Variants in XKR6 observed in about 807,000 individuals in gnomAD.
The protein encoded by XKR6 is XK related 6.
A neutral mutation model predicts 56.7 loss-of-function variants in XKR6; 22 were observed. That is an observed-to-expected ratio of 0.39 (90% CI 0.28 to 0.55). The LOEUF is 0.55. Ranked by LOEUF, XKR6 falls within the 20% of genes least tolerant of loss-of-function variation. The pLI, the probability that XKR6 is intolerant of heterozygous loss-of-function variation, is 0.66. For synonymous variants in XKR6, 524 were observed against 387.8 expected (o/e 1.35, Z -4.13); for missense variants, 852 against 889.0 (o/e 0.96, Z 0.53).
chr8:10,979,021 T>C (rs1345768605), intron 1 of XKR6, among the ~76,000 whole-genome samples: 5 of 152,058 alleles, frequency 3.3e-5, no homozygotes, highest in Non-Finnish European at 7.4e-5. Flanking sequence ...CTGGAATGCC[T>C]CCTGATCATC....
chr8:10,911,403 G>A (rs1317467831), intron 2 of XKR6, among the ~76,000 whole-genome samples: 1 of 147,406 alleles, frequency 6.8e-6, no homozygotes, highest in South Asian at 2.1e-4. Flanking sequence ...TATAAATACA[G>A]AGAATGAGAT....
At chr8:11,106,669 T>G (rs1193572979) in intron 1 of XKR6, 1 of 151,802 alleles carries the variant, frequency 6.6e-6, no homozygotes, top group East Asian at 1.9e-4. Flanking sequence ...GCCAATATGG[T>G]GAAACCCTGT....
intron 1 of XKR6, among the ~76,000 whole-genome samples, chr8:11,065,732 G>C (rs548757396): frequency 1.3e-5 from 2 of 152,038 alleles, no homozygotes; most frequent in Non-Finnish European, 2.9e-5. Context: ...GGTCTCTTCC[G>C]GAGCCTTTCC....
intron 1 of XKR6, among the ~76,000 whole-genome samples, chr8:11,127,690 C>A (rs1157648826): frequency 1.3e-5 from 2 of 152,166 alleles, no homozygotes; most frequent in East Asian, 1.9e-4. Context: ...GCCCACCTTA[C>A]CCAGATAATC....
Position 11,080,002 on chromosome 8 carries a change from T to C in XKR6, c.764+120574A>G, listed in dbSNP as rs890085262. ...ATAAATAAATACATAAATACATAAA[T>C]AAATGAAATAAAGTTGAAAAATAAA... On this transcript the variant is annotated intron_variant, in intron 1 of 2. Coordinates refer to ENST00000416569, the MANE Select transcript of XKR6 (RefSeq NM_173683.4). Among the ~76,000 whole-genome samples, 7 of 151,834 alleles carry C rather than the reference T, an allele frequency of 4.6e-5. No homozygotes were observed. In the South Asian group the frequency reaches 1.5e-3, roughly 32 times the overall value.
At chr8:11,167,667 T>G (rs1344979190) in intron 1 of XKR6, among the ~76,000 whole-genome samples, 1 of 152,100 alleles carries the variant, frequency 6.6e-6, no homozygotes, top group Non-Finnish European at 1.5e-5. Context: ...CAGGAAGACC[T>G]TAAGCTTTTT....
chr8:11,038,631 C>A (rs1451758849), intron 1 of XKR6, among the ~76,000 whole-genome samples: 1 of 151,920 alleles, frequency 6.6e-6, no homozygotes, highest in Non-Finnish European at 1.5e-5. Flanking sequence ...AACTACCAGG[C>A]TCAGATGATC....
chr8:11,033,805 C>T (rs930918372), intron 1 of XKR6, among the ~76,000 whole-genome samples: 2 of 152,238 alleles, frequency 1.3e-5, no homozygotes, highest in Middle Eastern at 3.4e-3. Context: ...GATTATGACT[C>T]CTAGGGGTCC....
At chr8:11,170,391 T>C (rs770678820) in intron 1 of XKR6, among the ~76,000 whole-genome samples, 1 of 152,220 alleles carries the variant, frequency 6.6e-6, no homozygotes, top group Non-Finnish European at 1.5e-5. Flanking sequence ...GAAGTATTGA[T>C]TCAGGCTATA....
At chr8:11,179,589 T>C (rs1228052107) in intron 1 of XKR6, among the ~76,000 whole-genome samples, 1 of 152,144 alleles carries the variant, frequency 6.6e-6, no homozygotes, top group African/African-American at 2.4e-5. Flanking sequence ...AGTCCTACCC[T>C]TCAACAGAAG....
Position 11,055,995 on chromosome 8 carries a change from G to T in XKR6, c.765-131165C>A, listed in dbSNP as rs151224297. Among the ~76,000 whole-genome samples the T allele has an allele frequency of 4.6e-5, 7 of 152,246 alleles. No individual in the cohort carries two copies. In the East Asian group the frequency reaches 1.2e-3, roughly 25 times the overall value. On this transcript the variant is annotated intron_variant, in intron 1 of 2. Coordinates refer to ENST00000416569, the MANE Select transcript of XKR6 (RefSeq NM_173683.4). ...CTGAAGGCCCCCTCCCCCTGCTTCC[G>T]GGCCTGTGCAGCCCTTGGGTCTCGA...
chr8:11,014,335 C>G (rs1280901688), intron 1 of XKR6, among the ~76,000 whole-genome samples: 1 of 152,170 alleles, frequency 6.6e-6, no homozygotes, highest in Admixed American at 6.5e-5. Context: ...TTTTCAAAAG[C>G]AGGCACAGGA....
At chr8:10,984,757 T>TATATATATATA (rs1554519601) in intron 1 of XKR6, among the ~76,000 whole-genome samples, 53 of 139,854 alleles carry the variant, frequency 3.8e-4, no homozygotes, top group African/African-American at 5.8e-4. Context: ...TATATATATA[T>TATATATATATA]TTGAAGAAAT....
At chr8:11,164,130 C>A (rs555048762) in intron 1 of XKR6, among the ~76,000 whole-genome samples, 11 of 152,332 alleles carry the variant, frequency 7.2e-5, no homozygotes, top group African/African-American at 2.4e-4. Context: ...CCTTCTGGGT[C>A]TGCCTATTCA....
chr8:11,117,829 T>C (rs980145970), intron 1 of XKR6, among the ~76,000 whole-genome samples: 1 of 152,038 alleles, frequency 6.6e-6, no homozygotes, highest in East Asian at 1.9e-4. Flanking sequence ...GAAAACCCCA[T>C]GAAAACTGTG....
intron 1 of XKR6, among the ~76,000 whole-genome samples, chr8:11,025,707 G>T (rs991012214): frequency 2.6e-5 from 4 of 152,194 alleles, no homozygotes; most frequent in Admixed American, 6.5e-5. Context: ...ATGAAATAAA[G>T]CTCTTGATCT....
At position 10,977,313 on chromosome 8, in the gene XKR6, C is replaced by T. The variant is rs563373242; in HGVS notation, c.765-52483G>A. ...CCATGCCTCAAGGGTCCATTGGTCT[C>T]CCCCATCCCAGGGACACCCTGCCCT... On this transcript the variant is annotated intron_variant, in intron 1 of 2. Transcript: ENST00000416569. 2.6e-5 allele frequency among the ~76,000 whole-genome samples: 4 copies of T among 152,152 alleles called. No homozygotes were observed. In the South Asian group the frequency reaches 6.2e-4, roughly 24 times the overall value.
At chr8:10,924,470 T>C (rs1800815674) in intron 2 of XKR6, among the ~76,000 whole-genome samples, 164 bp downstream of exon 2, 1 of 152,202 alleles carries the variant, frequency 6.6e-6, no homozygotes, top group Non-Finnish European at 1.5e-5. Context: ...TTGAGTGTGG[T>C]GTGGGCCCCG....
At chr8:11,158,008 T>C (rs1801607475) in intron 1 of XKR6, among the ~76,000 whole-genome samples, 1 of 152,246 alleles carries the variant, frequency 6.6e-6, no homozygotes, top group Non-Finnish European at 1.5e-5. Flanking sequence ...ATGAAAATTA[T>C]AAATTACAAC....
Sources: allele counts gnomAD v4.1 joint callset (sites outside exome capture counted in the v4.1 genomes callset), GRCh38; gene constraint gnomAD v4.1.1; transcripts MANE v1.5; gene names NCBI Gene and HGNC (gene_info 2026-07-23, HGNC 2026-07-21).